The following RAPGEF4 variants were observed in gnomAD, a reference collection of about 807,000 sequenced individuals.
RAPGEF4 encodes the protein Rap guanine nucleotide exchange factor 4.
Under a neutral mutation model 147.9 loss-of-function variants are expected in RAPGEF4, and 66 were observed. The ratio of observed to expected loss-of-function variants is 0.45; its 90% confidence interval spans 0.37 to 0.55. The LOEUF (loss-of-function observed/expected upper bound fraction) is 0.55. Among genes scored for constraint, RAPGEF4 ranks in the 20% least tolerant of loss-of-function variants. The pLI, the probability that RAPGEF4 is intolerant of heterozygous loss-of-function variation, is 0.00. For synonymous variants in RAPGEF4, 419 were observed against 442.7 expected (o/e 0.95, Z 0.67); for missense variants, 1,071 against 1,257.3 (o/e 0.85, Z 2.24).
intron 10 of RAPGEF4, among the ~76,000 whole-genome samples, chr2:172,979,881 G>A (rs1356765303): frequency 6.6e-6 from 1 of 152,120 alleles, no homozygotes; most frequent in African/African-American, 2.4e-5. Context: ...AGCCAGACGT[G>A]GTGGCATGTG....
chr2:172,986,698 CTTT>C (rs72252062), intron 12 of RAPGEF4, among the ~76,000 whole-genome samples: 1 of 100,324 alleles, frequency 1.0e-5, no homozygotes, highest in African/African-American at 3.2e-5. Context: ...TTCATATTTT[CTTT>C]TTTTTTTTTT....
At chr2:172,853,393 A>C (rs1300811368) in intron 4 of RAPGEF4, among the ~76,000 whole-genome samples, 2 of 151,998 alleles carry the variant, frequency 1.3e-5, no homozygotes, top group African/African-American at 4.8e-5. Flanking sequence ...TGTCTGTTTT[A>C]TCTAAGCATT....
chr2:172,902,852 A>G (rs1699216984), intron 4 of RAPGEF4, among the ~76,000 whole-genome samples: 1 of 152,326 alleles, frequency 6.6e-6, no homozygotes, highest in Middle Eastern at 3.4e-3. Context: ...AAATTCCACC[A>G]TAAACAGAGA....
intron 12 of RAPGEF4, among the ~76,000 whole-genome samples, chr2:172,986,214 C>T (rs1462658624): frequency 6.6e-6 from 1 of 152,240 alleles, no homozygotes; most frequent in African/African-American, 2.4e-5. Flanking sequence ...GACACAGCAG[C>T]ATGCTAATGT....
At position 173,051,816 on chromosome 2, in the gene RAPGEF4, C is replaced by T. The variant is rs780302344; in HGVS notation, c.*49C>T. The T allele has an allele frequency of 1.9e-6, 3 of 1,598,396 alleles. No homozygotes were observed. The highest frequency in any genetic ancestry group is 2.6e-6 in the Non-Finnish European group (3 of 1,169,372). On this transcript the variant is annotated 3_prime_UTR_variant, in exon 31 of 31. Coordinates refer to ENST00000397081, the MANE Select transcript of RAPGEF4 (RefSeq NM_007023.4). ...AGTTTGTCTCCAGTCCACAATCTTT[C>T]AAAAATGCCATTTATGCTACTACTG...
At chr2:172,912,864 T>C (rs1490861168) in intron 4 of RAPGEF4, among the ~76,000 whole-genome samples, 1 of 151,118 alleles carries the variant, frequency 6.6e-6, no homozygotes, top group Non-Finnish European at 1.5e-5. Flanking sequence ...TGTGAGTGTC[T>C]TCCATCTTCC....
intron 3 of RAPGEF4, among the ~76,000 whole-genome samples, chr2:172,797,962 G>A (rs919294434): frequency 3.3e-5 from 5 of 152,178 alleles, no homozygotes; most frequent in African/African-American, 4.8e-5. Context: ...GTCTTCCTAT[G>A]TTTCCTCTTG....
In RAPGEF4 at chr2:173,017,427, A is replaced by G; in HGVS notation, c.1931A>G (p.His644Arg). ...CACTTGCTGTGGTTGTTTTTACAGCACAAGGTTCTTTTGCAACAGTTCAAT... is the reference window on the plus strand; with the variant it reads ...CACTTGCTGTGGTTGTTTTTACAGCGCAAGGTTCTTTTGCAACAGTTCAAT... ...SEDAKAPQKK[H>R]KVLLQQFNTG... The change falls in exon 21 of 31, where the codon CAC becomes CGC. Residue 644 changes from histidine (H) to arginine (R), a missense_variant and splice_region_variant. Physicochemically the swap from His to Arg is conservative, Grantham distance 29. Transcript: ENST00000397081. 1.2e-6 allele frequency: 2 copies of G among 1,614,078 alleles called. No homozygotes were observed. Among genetic ancestry groups the G allele is most frequent in the Non-Finnish European group, 1.7e-6 (2 of 1,179,938 alleles).
intron 26 of RAPGEF4, among the ~76,000 whole-genome samples, chr2:173,032,375 TG>T (rs562701727): frequency 6.6e-6 from 1 of 152,064 alleles, no homozygotes; most frequent in African/African-American, 2.4e-5. Context: ...TCTAGAAGCA[TG>T]GGGGGGTGGA....
chr2:172,830,357 A>G (rs1388399539), intron 4 of RAPGEF4, among the ~76,000 whole-genome samples: 5 of 152,190 alleles, frequency 3.3e-5, no homozygotes, highest in South Asian at 2.1e-4. Flanking sequence ...AAATATTTCT[A>G]ATTTGTTGAT....
intron 15 of RAPGEF4, among the ~76,000 whole-genome samples, chr2:172,992,715 C>T (rs538192442): frequency 3.9e-5 from 6 of 152,322 alleles, no homozygotes; most frequent in Non-Finnish European, 5.9e-5. Flanking sequence ...TCTATTATAT[C>T]TCCTTATTTG....
At chr2:172,752,899 C>T (rs939068719) in intron 1 of RAPGEF4, among the ~76,000 whole-genome samples, 2 of 152,188 alleles carry the variant, frequency 1.3e-5, no homozygotes, top group African/African-American at 2.4e-5. Flanking sequence ...TTTACATTAT[C>T]TCTGTTGCTT....
chr2:172,736,298 C>T (rs1224676027), intron 1 of RAPGEF4: 1 of 301,344 alleles, frequency 3.3e-6, no homozygotes, highest in African/African-American at 2.2e-5. Context: ...GGAGAGAGCA[C>T]CCACCTCTCC....
At chr2:172,938,109 C>T (rs1031654819) in intron 6 of RAPGEF4, among the ~76,000 whole-genome samples, 1 of 152,038 alleles carries the variant, frequency 6.6e-6, no homozygotes, top group African/African-American at 2.4e-5. Flanking sequence ...AAGATCTTGG[C>T]GCTAGGCGTG....
intron 8 of RAPGEF4, among the ~76,000 whole-genome samples, chr2:172,964,091 A>G (rs530910607): frequency 1.3e-5 from 2 of 152,338 alleles, no homozygotes; most frequent in South Asian, 4.1e-4. Flanking sequence ...ATGTATTTTT[A>G]CATGATTTTT....
rs749916477 is a variant in RAPGEF4 at position 172,795,020 on chromosome 2, T to C, written c.66-5T>C. ...ATAGCTTTTGTGCCTTTTCTCCCTA[T>C]ACAGACCACTGGAGCGATCCAGCGA... On this transcript the variant is annotated splice_region_variant and splice_polypyrimidine_tract_variant and intron_variant, in intron 1 of 30. Coordinates refer to ENST00000397081, the MANE Select transcript of RAPGEF4 (RefSeq NM_007023.4). 1 of 1,613,534 alleles carries C rather than the reference T, an allele frequency of 6.2e-7. No homozygotes were observed. The highest frequency in any genetic ancestry group is 8.5e-7 in the Non-Finnish European group (1 of 1,179,698).
chr2:172,919,333 CA>C (rs1684456325), intron 5 of RAPGEF4, among the ~76,000 whole-genome samples: 2 of 152,272 alleles, frequency 1.3e-5, no homozygotes, highest in South Asian at 4.2e-4. Flanking sequence ...TTCGACCCCT[CA>C]AAGTCTGGAT....
chr2:173,008,515 G>C (rs1356014564), intron 17 of RAPGEF4, among the ~76,000 whole-genome samples: 2 of 152,038 alleles, frequency 1.3e-5, no homozygotes, highest in East Asian at 3.9e-4. Context: ...TTTGTTTTCA[G>C]CTGCAAGCAG....
intron 1 of RAPGEF4, among the ~76,000 whole-genome samples, chr2:172,783,551 A>T (rs576199619): frequency 1.3e-5 from 2 of 152,146 alleles, no homozygotes; most frequent in South Asian, 4.2e-4. Context: ...TGTGAGTGAA[A>T]AACTGCAATG....
Sources: allele counts gnomAD v4.1 joint callset (sites outside exome capture counted in the v4.1 genomes callset), GRCh38; gene constraint gnomAD v4.1.1; transcripts MANE v1.5; gene names NCBI Gene and HGNC (gene_info 2026-07-23, HGNC 2026-07-21).